LINGO2: variants seen among roughly 807,000 people sequenced by gnomAD.
LINGO2 encodes the protein leucine rich repeat and Ig domain containing 2.
LINGO2 carries 14 observed loss-of-function variants against 30.6 expected under a neutral mutation model. The observed-to-expected ratio is 0.46, with a 90% CI of 0.30 to 0.72. The LOEUF (loss-of-function observed/expected upper bound fraction) is 0.72. Among genes scored for constraint, LINGO2 ranks in the 30% least tolerant of loss-of-function variants. The pLI, the probability that LINGO2 is intolerant of heterozygous loss-of-function variation, is 0.07. For missense variants in LINGO2, 729 were observed against 751.7 expected, an observed-to-expected ratio of 0.97 and a Z score of 0.35; for synonymous variants, 317 against 288.5, an observed-to-expected ratio of 1.10 and a Z score of -1.00.
the LINGO2 span, among the ~76,000 whole-genome samples, chr9:29,072,545 G>A: frequency 1.3e-5 from 2 of 149,290 alleles, no homozygotes; most frequent in African/African-American, 4.9e-5. Flanking sequence ...AGAAAATTAA[G>A]GATAATATAC....
At chr9:29,077,384 T>C in the LINGO2 span, among the ~76,000 whole-genome samples, 1 of 152,010 alleles carries the variant, frequency 6.6e-6, no homozygotes, top group Non-Finnish European at 1.5e-5. Context: ...TCTCAGAAAA[T>C]GTCCTGAATT....
the LINGO2 span, among the ~76,000 whole-genome samples, chr9:28,709,841 T>A: frequency 6.6e-6 from 1 of 152,026 alleles, no homozygotes; most frequent in Non-Finnish European, 1.5e-5. Flanking sequence ...ATTTAATAAA[T>A]GTCAATTATT....
chr9:28,797,111 G>T, the LINGO2 span, among the ~76,000 whole-genome samples: 1 of 151,270 alleles, frequency 6.6e-6, no homozygotes, highest in Non-Finnish European at 1.5e-5. Context: ...TCAGTCTAGG[G>T]AGAGAAATTT....
chr9:28,224,979 C>A (rs1193082044), intron 4 of LINGO2, among the ~76,000 whole-genome samples: 1 of 152,172 alleles, frequency 6.6e-6, no homozygotes, highest in African/African-American at 2.4e-5. Flanking sequence ...TTGCAACCAA[C>A]TCATTTTTGA....
the LINGO2 span, among the ~76,000 whole-genome samples, chr9:28,778,185 C>T: frequency 1.6e-4 from 24 of 152,266 alleles, no homozygotes; most frequent in South Asian, 2.9e-3. Flanking sequence ...TTCTCCTTCT[C>T]TTTTAAACTA....
At chr9:28,103,462 G>A (rs1201933572) in intron 4 of LINGO2, among the ~76,000 whole-genome samples, 1 of 152,022 alleles carries the variant, frequency 6.6e-6, no homozygotes, top group East Asian at 1.9e-4. Context: ...GTACTGTCTT[G>A]AAACTCTGAA....
intron 4 of LINGO2, among the ~76,000 whole-genome samples, chr9:28,290,516 A>G (rs1485122967): frequency 1.3e-5 from 2 of 152,180 alleles, no homozygotes; most frequent in African/African-American, 4.8e-5. Flanking sequence ...CACTGACACA[A>G]CAATATCGCC....
chr9:28,464,561 A>G (rs556851329), intron 2 of LINGO2, among the ~76,000 whole-genome samples: 4 of 152,330 alleles, frequency 2.6e-5, no homozygotes, highest in South Asian at 4.1e-4. Flanking sequence ...TTTGTGGAAG[A>G]AATGTATTAA....
intron 1 of LINGO2, among the ~76,000 whole-genome samples, chr9:28,578,786 T>C (rs1051041206): frequency 3.3e-5 from 5 of 152,166 alleles, no homozygotes; most frequent in African/African-American, 1.2e-4. Flanking sequence ...TGTGACTTGC[T>C]AGTTAGCCCT....
intron 4 of LINGO2, among the ~76,000 whole-genome samples, chr9:28,020,074 A>G (rs1823037073): frequency 6.6e-6 from 1 of 152,186 alleles, no homozygotes; most frequent in African/African-American, 2.4e-5. Context: ...CAAGCCTCAG[A>G]AACACTACAC....
the LINGO2 span, among the ~76,000 whole-genome samples, chr9:28,865,628 C>T: frequency 6.6e-6 from 1 of 152,028 alleles, no homozygotes; most frequent in African/African-American, 2.4e-5. Flanking sequence ...TAGAAAAATA[C>T]AAGAAATTGG....
At chr9:29,067,235 G>T in the LINGO2 span, among the ~76,000 whole-genome samples, 2 of 151,620 alleles carry the variant, frequency 1.3e-5, no homozygotes, top group African/African-American at 4.8e-5. Context: ...GATCAGTAAA[G>T]AAATATTATA....
chr9:28,685,651 T>C, the LINGO2 span, among the ~76,000 whole-genome samples: 4 of 152,192 alleles, frequency 2.6e-5, no homozygotes, highest in Non-Finnish European at 5.9e-5. Flanking sequence ...GAGTGGAGAA[T>C]AACTCCTTTA....
At chr9:28,176,452 T>C (rs564262331) in intron 4 of LINGO2, among the ~76,000 whole-genome samples, 7 of 152,196 alleles carry the variant, frequency 4.6e-5, no homozygotes, top group Non-Finnish European at 1.0e-4. Flanking sequence ...GACACATATT[T>C]TCTCCATTAG....
At chr9:28,598,272 A>G (rs1480156637) in intron 1 of LINGO2, among the ~76,000 whole-genome samples, 1 of 152,108 alleles carries the variant, frequency 6.6e-6, no homozygotes, top group Middle Eastern at 3.2e-3. Context: ...GTTCTTATAT[A>G]CATCTTACAC....
At chr9:28,853,993 C>A in the LINGO2 span, among the ~76,000 whole-genome samples, 534 of 152,022 alleles carry the variant, frequency 3.5e-3, 6 homozygotes, top group African/African-American at 0.012. Flanking sequence ...TAAATAAAAT[C>A]ATCTATATAA....
intron 4 of LINGO2, among the ~76,000 whole-genome samples, chr9:28,027,956 G>C (rs1254305850): frequency 6.6e-6 from 1 of 152,164 alleles, no homozygotes; most frequent in Non-Finnish European, 1.5e-5. Flanking sequence ...TCCAATTAAA[G>C]AGGAAATCAA....
intron 3 of LINGO2, among the ~76,000 whole-genome samples, chr9:28,325,461 C>A (rs541263384): frequency 6.6e-6 from 1 of 152,154 alleles, no homozygotes; most frequent in South Asian, 2.1e-4. Context: ...GTGTACCCAC[C>A]CAAATCTCAT....
At chr9:28,397,300 T>A (rs1425560667) in intron 2 of LINGO2, among the ~76,000 whole-genome samples, 1 of 150,938 alleles carries the variant, frequency 6.6e-6, no homozygotes, top group Non-Finnish European at 1.5e-5. Flanking sequence ...TCACATTTAT[T>A]TATTTTTAAA....
Sources: gnomAD v4.1 joint callset for allele counts (sites outside exome capture counted in the v4.1 genomes callset) on GRCh38, gnomAD v4.1.1 for gene constraint, MANE v1.5 for transcripts, NCBI Gene and HGNC (gene_info 2026-07-23, HGNC 2026-07-21) for gene names.